UQCRH: variants seen among roughly 807,000 people sequenced by gnomAD.
UQCRH encodes ubiquinol-cytochrome c reductase hinge protein.
A neutral mutation model predicts 16.3 loss-of-function variants in UQCRH; 14 were observed. The observed-to-expected ratio is 0.86, with a 90% confidence interval of 0.57 to 1.34. UQCRH has a LOEUF of 1.34. UQCRH is among the 40% of genes most tolerant of loss of function. UQCRH has a pLI of 0.00. For synonymous variants in UQCRH, 41 were observed against 41.9 expected (o/e 0.98, Z 0.08); for missense variants, 89 against 111.9 (o/e 0.80, Z 0.92).
At chr1:46,314,312 G>A (rs1241163848) in intron 3 of UQCRH, among the ~76,000 whole-genome samples, 1 of 149,424 alleles carries the variant, frequency 6.7e-6, no homozygotes, top group Non-Finnish European at 1.5e-5. Flanking sequence ...CTTGCAGTGA[G>A]CTGAGATCAC....
rs1661595063 is a variant in UQCRH at position 46,316,694 on chromosome 1, A to T, written c.*110A>T. On this transcript the variant is annotated 3_prime_UTR_variant, in exon 4 of 4. Transcript: ENST00000311672. ...ATTTGTGTAACTGTAAGTTCACATG[A>T]ACCTCATGGGTTTGGCTTAGGCTGG... 1.3e-6 allele frequency: 2 copies of T among 1,525,476 alleles called. No individual in the cohort carries two copies. Among genetic ancestry groups the T allele is most frequent in the African/African-American group, 2.8e-5 (2 of 72,108 alleles). 94.5% of individuals were successfully genotyped at this position (1,525,476 alleles called of 1,614,324 possible).
chr1:46,309,982 A>C (rs1181071631), intron 2 of UQCRH, 173 bp from the exon 3 acceptor site: 2 of 1,478,066 alleles, frequency 1.4e-6, no homozygotes, highest in African/African-American at 2.8e-5. Flanking sequence ...TCAGAATTGA[A>C]TGGGAGACCG....
intron 3 of UQCRH, among the ~76,000 whole-genome samples, chr1:46,315,035 G>A (rs561854854): frequency 6.6e-6 from 1 of 152,068 alleles, no homozygotes; most frequent in Non-Finnish European, 1.5e-5. Flanking sequence ...GGCCTTGTGC[G>A]GTGGTTCACA....
intron 3 of UQCRH, among the ~76,000 whole-genome samples, chr1:46,314,319 T>C (rs574708442): frequency 7.1e-6 from 1 of 140,446 alleles, no homozygotes; most frequent in Non-Finnish European, 1.5e-5. Flanking sequence ...TGAGCTGAGA[T>C]CACGCCACTG....
In UQCRH at chr1:46,316,675, G is replaced by C. The variant is rs547035389; in HGVS notation, c.*91G>C. 28 of 1,577,106 alleles carry C rather than the reference G, an allele frequency of 1.8e-5. No individual in the cohort carries two copies. In the South Asian group the frequency reaches 3.1e-4, roughly 18 times the overall value. Reference sequence around the variant, plus strand: ...GATGTACCATTTGTTTCTTATTTGTGTAACTGTAAGTTCACATGAACCTCA... The same window carrying C: ...GATGTACCATTTGTTTCTTATTTGTCTAACTGTAAGTTCACATGAACCTCA... On this transcript the variant is annotated 3_prime_UTR_variant, in exon 4 of 4. Transcript: ENST00000311672.
intron 3 of UQCRH, among the ~76,000 whole-genome samples, chr1:46,312,451 G>A (rs78684426): frequency 0.11 from 16,236 of 151,742 alleles, 1,246 homozygotes; most frequent in South Asian, 0.37. Flanking sequence ...GGATTTTGCC[G>A]TGTTGCCCAG....
At chr1:46,308,461 G>A (rs532879493) in intron 1 of UQCRH, among the ~76,000 whole-genome samples, 1 of 152,298 alleles carries the variant, frequency 6.6e-6, no homozygotes. Context: ...CTAGCTTATA[G>A]GGCTGGTTCC....
intron 3 of UQCRH, among the ~76,000 whole-genome samples, chr1:46,314,657 G>C (rs1390665960): frequency 7.1e-6 from 1 of 140,950 alleles, no homozygotes; most frequent in Non-Finnish European, 1.5e-5. Flanking sequence ...TGGGCAACAA[G>C]AGCAAAACTC....
At position 46,303,711 on chromosome 1, in the gene UQCRH, A is replaced by G; in HGVS notation, c.-56A>G. ...CCCTTACAAGTCCTTCTTGATCCTG[A>G]ACTGGGTTAGGTGCCGCTGTTGCTG... On this transcript the variant is annotated 5_prime_UTR_variant, in exon 1 of 4. Coordinates refer to ENST00000311672, the MANE Select transcript of UQCRH (RefSeq NM_006004.4). 3 of 1,613,406 alleles carry G rather than the reference A, an allele frequency of 1.9e-6. No individual in the cohort carries two copies. Among genetic ancestry groups the G allele is most frequent in the African/African-American group, 2.7e-5 (2 of 75,026 alleles).
At chr1:46,315,519 G>T (rs1343213528) in intron 3 of UQCRH, among the ~76,000 whole-genome samples, 1 of 150,116 alleles carries the variant, frequency 6.7e-6, no homozygotes, top group Non-Finnish European at 1.5e-5. Flanking sequence ...ACTTGAACCC[G>T]GGAGGCGGAG....
At chr1:46,313,395 G>T (rs191646024) in intron 3 of UQCRH, among the ~76,000 whole-genome samples, 1 of 152,270 alleles carries the variant, frequency 6.6e-6, no homozygotes, top group East Asian at 1.9e-4. Flanking sequence ...TTGGGAGGCG[G>T]AGGCGGGTGG....
chr1:46,308,975 A>C, intron 1 of UQCRH, 126 bp from the exon 2 acceptor site: 1 of 1,184,990 alleles, frequency 8.4e-7, no homozygotes, highest in East Asian at 2.6e-5. Flanking sequence ...AAACATCATA[A>C]AACACAGAAA....
intron 1 of UQCRH, among the ~76,000 whole-genome samples, chr1:46,308,684 A>G (rs1358661808): frequency 6.6e-6 from 1 of 152,060 alleles, no homozygotes; most frequent in Non-Finnish European, 1.5e-5. Flanking sequence ...CACAAAGAAA[A>G]TTTTTAAATT....
chr1:46,311,449 C>A (rs899095105), intron 3 of UQCRH, among the ~76,000 whole-genome samples: 1 of 145,992 alleles, frequency 6.8e-6, no homozygotes, highest in African/African-American at 2.5e-5. Context: ...TGGTGGCGGG[C>A]GCCTGTAGCC....
intron 1 of UQCRH, among the ~76,000 whole-genome samples, chr1:46,307,334 T>C (rs1420813592): frequency 6.6e-6 from 1 of 152,182 alleles, no homozygotes; most frequent in Non-Finnish European, 1.5e-5. Flanking sequence ...TGTGAACCAC[T>C]ATGCCCAGCC....
intron 2 of UQCRH, chr1:46,309,848 A>G: frequency 6.8e-6 from 9 of 1,320,254 alleles, no homozygotes; most frequent in Non-Finnish European, 8.7e-6. Flanking sequence ...GGCCTCCTAT[A>G]GATCTACTTC....
intron 1 of UQCRH, among the ~76,000 whole-genome samples, chr1:46,306,932 CTG>C (rs1330512494): frequency 6.6e-6 from 1 of 152,164 alleles, no homozygotes. Flanking sequence ...GTCACCCAGA[CTG>C]GGGTGCAGTG....
chr1:46,310,316 C>G lies in UQCRH; in HGVS notation c.243C>G (p.Cys81Trp), dbSNP rs769377443. The change falls in exon 3 of 4, where the codon TGC becomes TGG. Residue 81 changes from cysteine to tryptophan, a missense_variant and splice_region_variant. By Grantham distance (215) the Cys-to-Trp change is radical. Coordinates refer to ENST00000311672, the MANE Select transcript of UQCRH (RefSeq NM_006004.4). Reference protein sequence around the residue: ...LFDFLHARDHCVAHKLFNNLK With the variant: ...LFDFLHARDHWVAHKLFNNLK ...ACTTCTTGCATGCGAGGGACCATTG[C>G]GTAAGTCAGTGGGAAGTCAGGAAGG... is the stretch of plus-strand genomic sequence containing the variant. 2.5e-6 allele frequency: 4 copies of G among 1,613,964 alleles called. No homozygotes were observed. In the South Asian group the frequency reaches 4.4e-5, roughly 18 times the overall value.
intron 1 of UQCRH, among the ~76,000 whole-genome samples, chr1:46,305,290 CCCTGTCT>C (rs1661346916): frequency 1.5e-5 from 2 of 134,266 alleles, no homozygotes; most frequent in Non-Finnish European, 3.2e-5. Context: ...CCGAGTGAGA[CCCTGTCT>C]CAAAAAAAAA....
Sources: allele counts gnomAD v4.1 joint callset (sites outside exome capture counted in the v4.1 genomes callset), GRCh38; gene constraint gnomAD v4.1.1; transcripts MANE v1.5; gene names NCBI Gene and HGNC (gene_info 2026-07-23, HGNC 2026-07-21).